Variants in CYRIB observed in about 807,000 individuals in gnomAD.
CYRIB encodes CYFIP related Rac1 interactor B.
A neutral mutation model predicts 44.2 loss-of-function variants in CYRIB; 8 were observed. That is an observed-to-expected ratio of 0.18 (90% CI 0.11 to 0.33). CYRIB has a LOEUF of 0.33. CYRIB is among the 10% of genes least tolerant of loss of function. CYRIB has a pLI of 1.00. For synonymous variants in CYRIB, 131 were observed against 127.2 expected, an observed-to-expected ratio of 1.03 and a Z score of -0.20; for missense variants, 185 against 382.8, an observed-to-expected ratio of 0.48 and a Z score of 4.31.
chr8:129,943,320 C>T (rs547116230), upstream of CYRIB, among the ~76,000 whole-genome samples: 14 of 152,062 alleles, frequency 9.2e-5, 1 homozygote, highest in South Asian at 2.7e-3. Context: ...GGTGCAGTGG[C>T]TCACACCTAT....
At chr8:129,877,302 T>C (rs574968900) in intron 3 of CYRIB, among the ~76,000 whole-genome samples, 1 of 152,312 alleles carries the variant, frequency 6.6e-6, no homozygotes, top group East Asian at 1.9e-4. Context: ...TTCTGCATTA[T>C]TGGTTATTAT....
In CYRIB at chr8:129,962,553, C is replaced by G. The variant is rs1438793305; in HGVS notation, c.-243+8390G>C. Among the ~76,000 whole-genome samples the G allele has an allele frequency of 2.6e-5, 4 of 152,248 alleles. No homozygotes were observed. The East Asian group carries it at 7.7e-4, about 29-fold the overall frequency. ...AATAGGGACCCAGAAAATGTCCCTTCCCTATGAATGCCCTTTACGTTTGGA... is the reference window on the plus strand; with the variant it reads ...AATAGGGACCCAGAAAATGTCCCTTGCCTATGAATGCCCTTTACGTTTGGA... On this transcript the variant is annotated intron_variant, in intron 2 of 14. Coordinates refer to the CYRIB transcript ENST00000401979.
chr8:129,977,274 T>G (rs1189618447), intron 1 of CYRIB, among the ~76,000 whole-genome samples: 1 of 152,202 alleles, frequency 6.6e-6, no homozygotes, highest in Non-Finnish European at 1.5e-5. Flanking sequence ...TGGGCCATGT[T>G]CAGCTCAAGA....
chr8:129,949,968 G>T (rs2094418403), intron 2 of CYRIB, among the ~76,000 whole-genome samples: 1 of 152,132 alleles, frequency 6.6e-6, no homozygotes, highest in African/African-American at 2.4e-5. Flanking sequence ...ATAATAGGTA[G>T]AACTTAGGAA....
intron 1 of CYRIB, among the ~76,000 whole-genome samples, chr8:130,003,675 A>G (rs1448774960): frequency 6.6e-6 from 1 of 152,220 alleles, no homozygotes; most frequent in Non-Finnish European, 1.5e-5. Context: ...AAAACGAAAG[A>G]TCAGGTTCCT....
At chr8:129,996,390 C>G (rs777209916) in intron 1 of CYRIB, among the ~76,000 whole-genome samples, 1 of 152,172 alleles carries the variant, frequency 6.6e-6, no homozygotes, top group African/African-American at 2.4e-5. Context: ...ACTCATCCAC[C>G]CCATCCACCA....
intron 1 of CYRIB, among the ~76,000 whole-genome samples, chr8:129,933,923 C>G (rs1027320680): frequency 6.7e-6 from 1 of 150,022 alleles, no homozygotes; most frequent in African/African-American, 2.5e-5. Flanking sequence ...AGAAGAAGAA[C>G]CTGATGTGTT....
chr8:129,874,899 A>G (rs562665794), intron 3 of CYRIB, among the ~76,000 whole-genome samples: 6 of 152,328 alleles, frequency 3.9e-5, no homozygotes, highest in Middle Eastern at 6.8e-3. Context: ...CACAAGAACT[A>G]TAGAGGAAAT....
At chr8:129,912,176 T>C (rs746472654) in intron 1 of CYRIB, among the ~76,000 whole-genome samples, 1 of 152,088 alleles carries the variant, frequency 6.6e-6, no homozygotes, top group Non-Finnish European at 1.5e-5. Context: ...GGTAATAACA[T>C]AAGGCAAATA....
chr8:129,909,144 C>T (rs2076845646), intron 1 of CYRIB, among the ~76,000 whole-genome samples: 2 of 152,084 alleles, frequency 1.3e-5, no homozygotes, highest in South Asian at 2.1e-4. Context: ...TTTGAAATAC[C>T]AACATTTCTA....
chr8:129,906,455 G>C (rs1390255564), intron 1 of CYRIB, among the ~76,000 whole-genome samples: 1 of 152,200 alleles, frequency 6.6e-6, no homozygotes, highest in Non-Finnish European at 1.5e-5. Flanking sequence ...ATTAATTCAA[G>C]ATGGATTAAA....
chr8:129,958,884 T>C (rs1282810060), intron 2 of CYRIB, among the ~76,000 whole-genome samples: 1 of 150,508 alleles, frequency 6.6e-6, no homozygotes, highest in Non-Finnish European at 1.5e-5. Flanking sequence ...GCCAAGATGG[T>C]GAAACCCCCG....
chr8:129,971,184 G>C (rs1429690007), intron 1 of CYRIB, among the ~76,000 whole-genome samples, 189 bp from the exon 2 acceptor site: 1 of 152,170 alleles, frequency 6.6e-6, no homozygotes, highest in African/African-American at 2.4e-5. Context: ...CTGTCGCCTA[G>C]GCTGGAGTGC....
At chr8:129,955,453 C>T (rs1434515611) in intron 2 of CYRIB, among the ~76,000 whole-genome samples, 2 of 152,060 alleles carry the variant, frequency 1.3e-5, no homozygotes, top group African/African-American at 2.4e-5. Flanking sequence ...AACACTCCCA[C>T]GTTTCCGCAC....
At chr8:129,912,965 GC>G (rs1332637666) in intron 1 of CYRIB, among the ~76,000 whole-genome samples, 2 of 143,384 alleles carry the variant, frequency 1.4e-5, no homozygotes, top group Non-Finnish European at 3.0e-5. Flanking sequence ...TCAGGAATCT[GC>G]TTCACTTTTT....
upstream of CYRIB, among the ~76,000 whole-genome samples, chr8:129,941,831 T>G (rs1302102912): frequency 1.3e-5 from 2 of 152,188 alleles, no homozygotes; most frequent in Non-Finnish European, 2.9e-5. Context: ...CACATGAATA[T>G]CTAGTTCAGC....
intron 1 of CYRIB, among the ~76,000 whole-genome samples, chr8:129,979,217 A>G (rs2096097103): frequency 6.6e-6 from 1 of 152,206 alleles, no homozygotes; most frequent in Non-Finnish European, 1.5e-5. Flanking sequence ...CCAGGAAAAC[A>G]CAAAGTACTT....
intron 2 of CYRIB, among the ~76,000 whole-genome samples, chr8:129,962,480 C>T (rs892650283): frequency 2.0e-5 from 3 of 151,974 alleles, no homozygotes; most frequent in Admixed American, 6.6e-5. Context: ...TAAAAATAAA[C>T]GTGGGGTGAT....
chr8:130,001,394 G>A (rs1229499460), intron 1 of CYRIB, among the ~76,000 whole-genome samples: 1 of 152,030 alleles, frequency 6.6e-6, no homozygotes, highest in Admixed American at 6.6e-5. Flanking sequence ...AGAACACACT[G>A]ACCACAGCTC....
Sources: gnomAD v4.1 joint callset for allele counts (sites outside exome capture counted in the v4.1 genomes callset) on GRCh38, gnomAD v4.1.1 for gene constraint, MANE v1.5 for transcripts, NCBI Gene and HGNC (gene_info 2026-07-23, HGNC 2026-07-21) for gene names.